The following PTPRN2 variants were observed in gnomAD, a reference collection of about 807,000 sequenced individuals.
PTPRN2 encodes protein tyrosine phosphatase receptor type N2, also known as receptor-type tyrosine-protein phosphatase N2.
In PTPRN2, 74 loss-of-function variants were observed where a neutral mutation model predicts 118.8. The ratio of observed to expected loss-of-function variants is 0.62; its 90% confidence interval spans 0.52 to 0.76. The LOEUF (loss-of-function observed/expected upper bound fraction) is 0.76, where lower values mean the gene tolerates loss of function less well. PTPRN2 is among the 30% of genes least tolerant of loss of function. The pLI, the probability that PTPRN2 is intolerant of heterozygous loss-of-function variation, is 0.00. For synonymous variants in PTPRN2, 641 were observed against 608.0 expected (o/e 1.05, Z -0.80); for missense variants, 1,481 against 1,394.4 (o/e 1.06, Z -0.99).
At chr7:158,542,299 C>T (rs1034139502) in intron 1 of PTPRN2, among the ~76,000 whole-genome samples, 1 of 152,198 alleles carries the variant, frequency 6.6e-6, no homozygotes, top group Non-Finnish European at 1.5e-5. Flanking sequence ...TACAGGCGCA[C>T]GCCACCATGC....
chr7:157,632,201 T>C lies in PTPRN2; in HGVS notation c.2197-10692A>G, dbSNP rs1804002757. The stretch of plus-strand genomic sequence containing the variant: ...GTTCTTACACAATGCCCAGGTGACC[T>C]GCAGGGTACTTCCTGGAGTCCACAG... On this transcript the variant is annotated intron_variant, in intron 14 of 22. Transcript: ENST00000389418. The surrounding 1 kb of genome is among the most constrained non-coding windows in gnomAD (Gnocchi z 4.3). 6.6e-6 allele frequency among the ~76,000 whole-genome samples: 1 copy of C among 152,214 alleles called. No individual in the cohort carries two copies. The highest frequency in any genetic ancestry group is 2.4e-5 in the African/African-American group (1 of 41,458).
rs563156607 is a variant in PTPRN2, at chr7:157,692,954, G to C, written c.1789-10017C>G. 3.3e-5 allele frequency among the ~76,000 whole-genome samples: 5 copies of C among 152,214 alleles called. No individual in the cohort carries two copies. In the East Asian group the frequency reaches 9.8e-4, roughly 30 times the overall value. On this transcript the variant is annotated intron_variant, in intron 12 of 22. Coordinates refer to ENST00000389418, the MANE Select transcript of PTPRN2 (RefSeq NM_002847.5). ...ACCTTCTCGGGCAAAGAGTCGAGTG[G>C]TAGCGGTTCCTGTCCCTCCCCGCCA... is the stretch of plus-strand genomic sequence containing the variant.
At chr7:158,527,644 G>T (rs901007170) in intron 1 of PTPRN2, among the ~76,000 whole-genome samples, 2 of 152,218 alleles carry the variant, frequency 1.3e-5, no homozygotes, top group Non-Finnish European at 2.9e-5. Context: ...CCATGTGGGG[G>T]TTGTGCACAG....
chr7:157,960,613 C>T (rs1282927399), intron 11 of PTPRN2, among the ~76,000 whole-genome samples: 1 of 152,138 alleles, frequency 6.6e-6, no homozygotes, highest in Non-Finnish European at 1.5e-5. Flanking sequence ...AATATATTTT[C>T]ATGGATGAAA....
At chr7:157,814,737 C>T (rs1806285788) in intron 12 of PTPRN2, among the ~76,000 whole-genome samples, 1 of 152,176 alleles carries the variant, frequency 6.6e-6, no homozygotes, top group Admixed American at 6.5e-5. Context: ...GCCCCAGCAC[C>T]CCATCCACAG....
In PTPRN2 at chr7:157,749,849, T is replaced by G. The variant is rs572862646; in HGVS notation, c.1789-66912A>C. ...AGGCCTGCGTCCCTGAGCTGTGGGCTGTTGAGGTGATTCTGAGGCCTGTGT... is the reference window on the plus strand; with the variant it reads ...AGGCCTGCGTCCCTGAGCTGTGGGCGGTTGAGGTGATTCTGAGGCCTGTGT... On this transcript the variant is annotated intron_variant, in intron 12 of 22. Coordinates refer to ENST00000389418, the MANE Select transcript of PTPRN2 (RefSeq NM_002847.5). Among the ~76,000 whole-genome samples, 3 of 146,130 alleles carry G rather than the reference T, an allele frequency of 2.1e-5. No individual in the cohort carries two copies. The South Asian group carries it at 6.8e-4, about 33-fold the overall frequency.
At chr7:158,108,172 A>G (rs1226870022) in intron 10 of PTPRN2, among the ~76,000 whole-genome samples, 4 of 150,408 alleles carry the variant, frequency 2.7e-5, no homozygotes, top group Non-Finnish European at 5.9e-5. Context: ...TGTCTGCATG[A>G]GCCTGCCAAT....
chr7:157,553,624 C>T (rs868161072), intron 21 of PTPRN2, among the ~76,000 whole-genome samples: 8 of 152,140 alleles, frequency 5.3e-5, no homozygotes, highest in African/African-American at 1.4e-4. Flanking sequence ...TGGGGAGAAC[C>T]GGGCGGAAAT....
intron 17 of PTPRN2, among the ~76,000 whole-genome samples, chr7:157,592,909 G>T (rs1173287589): frequency 1.5e-5 from 2 of 132,942 alleles, no homozygotes; most frequent in African/African-American, 5.8e-5. Flanking sequence ...ATGCCAAGAG[G>T]CTTCACGCAG....
intron 1 of PTPRN2, among the ~76,000 whole-genome samples, chr7:158,499,984 G>A (rs146334832): frequency 1.5e-3 from 183 of 125,384 alleles, no homozygotes; most frequent in Middle Eastern, 5.4e-3. Context: ...AGATTTAAAA[G>A]ACAAAAACTG....
chr7:158,204,275 C>G (rs1242791492), intron 4 of PTPRN2, among the ~76,000 whole-genome samples: 1 of 151,296 alleles, frequency 6.6e-6, no homozygotes, highest in Admixed American at 6.6e-5. Flanking sequence ...CCTCAGTGTG[C>G]GCCGCGTTCT....
intron 12 of PTPRN2, among the ~76,000 whole-genome samples, chr7:157,840,586 G>A (rs114511742): frequency 0.018 from 2,776 of 152,282 alleles, 80 homozygotes; most frequent in African/African-American, 0.062. Flanking sequence ...GACAACATCC[G>A]AGCCGGCTGA....
intron 2 of PTPRN2, among the ~76,000 whole-genome samples, chr7:158,416,078 TC>T (rs1419000758): frequency 6.6e-6 from 1 of 152,186 alleles, no homozygotes; most frequent in African/African-American, 2.4e-5. Flanking sequence ...AAACAGCAAA[TC>T]CTACAATCCA....
chr7:157,552,256 AATAAC>A (rs1451204393), intron 21 of PTPRN2, among the ~76,000 whole-genome samples: 5 of 152,234 alleles, frequency 3.3e-5, no homozygotes, highest in Admixed American at 3.3e-4. Flanking sequence ...TGTAAAAAAC[AATAAC>A]ATAACTAAAT....
chr7:157,818,153 GGT>G (rs549293429), intron 12 of PTPRN2, among the ~76,000 whole-genome samples: 122 of 151,474 alleles, frequency 8.1e-4, no homozygotes, highest in African/African-American at 2.8e-3. Context: ...GTGCATGTGT[GGT>G]GTGTGTGGTA....
At position 158,418,454 on chromosome 7, in the gene PTPRN2, C is replaced by T. The variant is rs542452594; in HGVS notation, c.163+71281G>A. On this transcript the variant is annotated intron_variant, in intron 2 of 22. Coordinates refer to ENST00000389418, the MANE Select transcript of PTPRN2 (RefSeq NM_002847.5). ...CGAGATGCTGTAGCTCTCAGTGTCC[C>T]GCTGTGTTAAGTCATGGTGTACTAC... Among the ~76,000 whole-genome samples the T allele has an allele frequency of 7.3e-5, 11 of 149,970 alleles. No homozygotes were observed. The East Asian group carries it at 1.2e-3, about 16-fold the overall frequency.
intron 6 of PTPRN2, among the ~76,000 whole-genome samples, chr7:158,164,646 G>A (rs994444979): frequency 9.9e-5 from 15 of 152,184 alleles, no homozygotes; most frequent in Non-Finnish European, 1.8e-4. Flanking sequence ...CCTCTGATGG[G>A]GGCGACGATG....
At chr7:158,329,815 T>A (rs1366238931) in intron 2 of PTPRN2, among the ~76,000 whole-genome samples, 4 of 152,122 alleles carry the variant, frequency 2.6e-5, no homozygotes, top group Non-Finnish European at 4.4e-5. Context: ...ACTTCACCGC[T>A]CGAGGCTGTG....
At position 158,476,436 on chromosome 7, in the gene PTPRN2, G is replaced by T. The variant is rs1254754611; in HGVS notation, c.163+13299C>A. Among the ~76,000 whole-genome samples the T allele has an allele frequency of 2.0e-5, 3 of 152,270 alleles. No homozygotes were observed. In the East Asian group the frequency reaches 5.8e-4, roughly 29 times the overall value. On this transcript the variant is annotated intron_variant, in intron 2 of 22. Transcript: ENST00000389418. Reference sequence around the variant, plus strand: ...CGCACAGCTGTCCCAACACAAGACAGCAGGGCCATCCGTTGCCAGCACATG... The same window carrying T: ...CGCACAGCTGTCCCAACACAAGACATCAGGGCCATCCGTTGCCAGCACATG...
Sources: allele counts gnomAD v4.1 joint callset (sites outside exome capture counted in the v4.1 genomes callset), GRCh38; gene constraint gnomAD v4.1.1; non-coding constraint Gnocchi (gnomAD v3.1); transcripts MANE v1.5; gene names NCBI Gene and HGNC (gene_info 2026-07-23, HGNC 2026-07-21).